KCNQ5: variants seen among roughly 807,000 people sequenced by gnomAD.
The protein encoded by KCNQ5 is potassium voltage-gated channel subfamily KQT member 5.
Under a neutral mutation model 98.2 loss-of-function variants are expected in KCNQ5, and 30 were observed. That is an observed-to-expected ratio of 0.31 (90% CI 0.23 to 0.41). The LOEUF (loss-of-function observed/expected upper bound fraction) is 0.41. Among genes scored for constraint, KCNQ5 ranks in the 10% least tolerant of loss-of-function variants. KCNQ5 has a pLI of 1.00. For synonymous variants in KCNQ5, 458 were observed against 449.4 expected, an observed-to-expected ratio of 1.02 and a Z score of -0.24; for missense variants, 835 against 1,182.5, an observed-to-expected ratio of 0.71 and a Z score of 4.31.
At chr6:72,836,650 C>A (rs1776517744) in intron 1 of KCNQ5, among the ~76,000 whole-genome samples, 1 of 152,024 alleles carries the variant, frequency 6.6e-6, no homozygotes, top group Non-Finnish European at 1.5e-5. Flanking sequence ...TTTGCCCAAG[C>A]TGGTCTTGAA....
At chr6:73,141,674 T>G (rs2150469254) in intron 10 of KCNQ5, among the ~76,000 whole-genome samples, 1 of 152,348 alleles carries the variant, frequency 6.6e-6, no homozygotes, top group South Asian at 2.1e-4. Context: ...CCAAATGACC[T>G]TCGAGTGCTG....
chr6:73,102,054 T>C (rs11967588), intron 5 of KCNQ5, among the ~76,000 whole-genome samples: 33,696 of 151,906 alleles, frequency 0.22, 8,541 homozygotes, highest in African/African-American at 0.61. Context: ...AAACATATAC[T>C]GACCAATGGG....
At chr6:72,751,314 GA>G (rs35351451) in intron 1 of KCNQ5, among the ~76,000 whole-genome samples, 22,148 of 141,720 alleles carry the variant, frequency 0.16, 5,139 homozygotes, top group African/African-American at 0.5. Flanking sequence ...GACTCAAAAT[GA>G]AAAAAAAAAA....
chr6:73,098,969 A>C (rs1774641142), intron 5 of KCNQ5, among the ~76,000 whole-genome samples: 1 of 152,008 alleles, frequency 6.6e-6, no homozygotes. Flanking sequence ...TAATAAGATA[A>C]AGTAGAAACA....
chr6:72,971,695 G>C (rs1767908724), intron 1 of KCNQ5, among the ~76,000 whole-genome samples: 1 of 152,176 alleles, frequency 6.6e-6, no homozygotes, highest in Admixed American at 6.5e-5. Flanking sequence ...GTAGGGACAT[G>C]GATGAAGCTG....
chr6:73,088,656 T>C (rs376387626), intron 5 of KCNQ5, among the ~76,000 whole-genome samples: 67 of 152,304 alleles, frequency 4.4e-4, no homozygotes, highest in African/African-American at 1.4e-3. Context: ...AAGCTCTCAT[T>C]CTCAGTTTCC....
At chr6:73,050,257 GGGAAGGAAGGAAGGAAGGAAGGAA>G (rs1208611192) in intron 3 of KCNQ5, among the ~76,000 whole-genome samples, 54 of 76,316 alleles carry the variant, frequency 7.1e-4, no homozygotes, top group Middle Eastern at 7.2e-3. Context: ...GAAGGAAGGA[GGGAAGGAAGGAAGGAAGGAAGGAA>G]GGAAGGAAGG....
chr6:72,663,233 C>A (rs1766619619), intron 1 of KCNQ5, among the ~76,000 whole-genome samples: 1 of 152,130 alleles, frequency 6.6e-6, no homozygotes, highest in Non-Finnish European at 1.5e-5. Context: ...ACCTATGTAA[C>A]AAACCTGCAC....
intron 5 of KCNQ5, among the ~76,000 whole-genome samples, chr6:73,092,943 G>T (rs966409489): frequency 6.6e-6 from 1 of 151,658 alleles, no homozygotes; most frequent in African/African-American, 2.4e-5. Context: ...ATTGGGGAGG[G>T]TTCCTTCTTT....
chr6:72,687,869 C>T (rs1768033966), intron 1 of KCNQ5, among the ~76,000 whole-genome samples: 1 of 141,786 alleles, frequency 7.1e-6, no homozygotes. Context: ...GAGTGAGTCT[C>T]TCTCTGTCGC....
intron 2 of KCNQ5, among the ~76,000 whole-genome samples, chr6:73,035,081 G>A (rs987447262): frequency 6.6e-6 from 1 of 151,942 alleles, no homozygotes; most frequent in East Asian, 1.9e-4. Flanking sequence ...TCCTGACCTC[G>A]TGACCCACCC....
At chr6:73,128,165 C>A (rs1776070236) in intron 9 of KCNQ5, among the ~76,000 whole-genome samples, 1 of 152,212 alleles carries the variant, frequency 6.6e-6, no homozygotes, top group Non-Finnish European at 1.5e-5. Flanking sequence ...TTCATCAGTT[C>A]TTTTTGGTAC....
chr6:72,738,981 T>G (rs2154476077), intron 1 of KCNQ5, among the ~76,000 whole-genome samples: 1 of 152,292 alleles, frequency 6.6e-6, no homozygotes, highest in South Asian at 2.1e-4. Flanking sequence ...TGTGAATATG[T>G]TATACATTTG....
intron 1 of KCNQ5, among the ~76,000 whole-genome samples, chr6:72,970,737 A>G (rs1357947773): frequency 6.6e-6 from 1 of 152,220 alleles, no homozygotes. Flanking sequence ...GACAAAAAAC[A>G]AGAAATGGGG....
chr6:72,846,155 C>T (rs1777009878), intron 1 of KCNQ5, among the ~76,000 whole-genome samples: 1 of 152,136 alleles, frequency 6.6e-6, no homozygotes, highest in Non-Finnish European at 1.5e-5. Flanking sequence ...CATCAAACAA[C>T]AGAATATAGT....
At chr6:72,835,574 T>C (rs1047411854) in intron 1 of KCNQ5, among the ~76,000 whole-genome samples, 1 of 152,216 alleles carries the variant, frequency 6.6e-6, no homozygotes, top group African/African-American at 2.4e-5. Flanking sequence ...TGTTATTTAT[T>C]ATAATACATG....
intron 1 of KCNQ5, among the ~76,000 whole-genome samples, chr6:72,728,867 T>C (rs556661939): frequency 6.6e-6 from 1 of 152,338 alleles, no homozygotes; most frequent in South Asian, 2.1e-4. Flanking sequence ...TCTTTCTTTA[T>C]CTTACTAATA....
At chr6:72,943,677 T>C (rs1582061358) in intron 1 of KCNQ5, among the ~76,000 whole-genome samples, 1 of 152,210 alleles carries the variant, frequency 6.6e-6, no homozygotes, top group Admixed American at 6.5e-5. Context: ...AGGTACTCAG[T>C]TAGACTACCT....
At chr6:73,163,171 T>C (rs1217307911) in intron 10 of KCNQ5, among the ~76,000 whole-genome samples, 1 of 151,834 alleles carries the variant, frequency 6.6e-6, no homozygotes, top group Non-Finnish European at 1.5e-5. Flanking sequence ...GGAGGATCAT[T>C]TGAGATCAGG....
Sources: allele counts gnomAD v4.1 joint callset (sites outside exome capture counted in the v4.1 genomes callset), GRCh38; gene constraint gnomAD v4.1.1; transcripts MANE v1.5; gene names NCBI Gene and HGNC (gene_info 2026-07-23, HGNC 2026-07-21).